The following SUGCT variants were observed in gnomAD, a reference collection of about 807,000 sequenced individuals.
SUGCT encodes the protein succinyl-CoA:glutarate CoA-transferase.
Under a neutral mutation model 55.0 loss-of-function variants are expected in SUGCT, and 41 were observed. The ratio of observed to expected loss-of-function variants is 0.74; its 90% confidence interval spans 0.58 to 0.97. SUGCT has a LOEUF of 0.97. Among genes scored for constraint, SUGCT ranks in the 50% least tolerant of loss-of-function variants. The pLI is 0.00. For missense variants in SUGCT, 568 were observed against 547.8 expected, an observed-to-expected ratio of 1.04 and a Z score of -0.37; for synonymous variants, 187 against 200.4, an observed-to-expected ratio of 0.93 and a Z score of 0.56.
chr7:40,298,601 A>G (rs1403573219), intron 8 of SUGCT, among the ~76,000 whole-genome samples: 1 of 152,188 alleles, frequency 6.6e-6, no homozygotes, highest in Non-Finnish European at 1.5e-5. Context: ...AACAGGATAC[A>G]CTGCAGTCAT....
At chr7:41,018,331 T>G in the SUGCT span, among the ~76,000 whole-genome samples, 1 of 152,260 alleles carries the variant, frequency 6.6e-6, no homozygotes, top group East Asian at 1.9e-4. Flanking sequence ...GAGATCATGG[T>G]GCCTCTCACT....
At chr7:40,170,038 T>G (rs1247851324) in intron 1 of SUGCT, among the ~76,000 whole-genome samples, 1 of 152,186 alleles carries the variant, frequency 6.6e-6, no homozygotes, top group Non-Finnish European at 1.5e-5. Context: ...ATTGAATAAT[T>G]TATAGGCTTC....
At chr7:40,352,276 T>C (rs1325684730) in intron 9 of SUGCT, among the ~76,000 whole-genome samples, 2 of 152,182 alleles carry the variant, frequency 1.3e-5, no homozygotes, top group African/African-American at 4.8e-5. Flanking sequence ...TCTATACAAT[T>C]TTTTTTAGTA....
chr7:40,170,487 T>C (rs1784619199), intron 1 of SUGCT, among the ~76,000 whole-genome samples: 1 of 152,190 alleles, frequency 6.6e-6, no homozygotes, highest in Non-Finnish European at 1.5e-5. Flanking sequence ...ATTTTTGCCT[T>C]AGGGGGAACA....
At chr7:40,967,354 G>A in the SUGCT span, 1 of 152,190 alleles carries the variant, frequency 6.6e-6, no homozygotes. Context: ...CTAAGTTCAT[G>A]TGTAAGTAAT....
intron 6 of SUGCT, among the ~76,000 whole-genome samples, chr7:40,221,058 T>C (rs2150825638): frequency 6.6e-6 from 1 of 152,284 alleles, no homozygotes; most frequent in Middle Eastern, 3.4e-3. Context: ...GTCATGCACT[T>C]AGCAAAAACA....
intron 12 of SUGCT, among the ~76,000 whole-genome samples, chr7:40,643,227 A>G (rs1453384169): frequency 1.3e-5 from 2 of 152,218 alleles, no homozygotes; most frequent in African/African-American, 4.8e-5. Flanking sequence ...TATTAATAAT[A>G]TAAGTCCCTT....
the SUGCT span, among the ~76,000 whole-genome samples, chr7:40,917,864 C>T: frequency 6.6e-6 from 1 of 152,122 alleles, no homozygotes; most frequent in East Asian, 1.9e-4. Context: ...GCTCTCATGA[C>T]CTCATCTAAT....
At chr7:40,160,237 C>CT (rs1463376650) in intron 1 of SUGCT, among the ~76,000 whole-genome samples, 4 of 151,296 alleles carry the variant, frequency 2.6e-5, no homozygotes, top group Non-Finnish European at 4.4e-5. Flanking sequence ...TAATTTTTTT[C>CT]TTTTTTTTTG....
rs370966013 is a variant in SUGCT, at chr7:40,503,871, G to A, written c.1089+7485G>A. ...TAAAAATACAAAGTTTAGTTACAGA[G>A]CAATATTAAGTTATTGCAATGAATA... On this transcript the variant is annotated intron_variant, in intron 12 of 13. Transcript: ENST00000335693. Among the ~76,000 whole-genome samples, 31 of 152,278 alleles carry A rather than the reference G, an allele frequency of 2.0e-4. 1 individual carries two copies. The South Asian group carries it at 5.4e-3, about 26-fold the overall frequency.
chr7:40,355,689 A>G (rs1302236083), intron 9 of SUGCT, among the ~76,000 whole-genome samples: 1 of 152,252 alleles, frequency 6.6e-6, no homozygotes, highest in African/African-American at 2.4e-5. Flanking sequence ...ACTAATGAGA[A>G]GAATGGAATT....
At chr7:40,291,991 A>G (rs1793811333) in intron 8 of SUGCT, among the ~76,000 whole-genome samples, 1 of 152,170 alleles carries the variant, frequency 6.6e-6, no homozygotes, top group African/African-American at 2.4e-5. Flanking sequence ...GTGATTTCAG[A>G]CTTCTGACCT....
intron 13 of SUGCT, among the ~76,000 whole-genome samples, chr7:40,790,508 GGA>G (rs1275268336): frequency 6.6e-6 from 1 of 152,134 alleles, no homozygotes; most frequent in Non-Finnish European, 1.5e-5. Context: ...ATGATACAGA[GGA>G]GAGATTTCTT....
chr7:40,470,099 G>A (rs1790326282), intron 11 of SUGCT, among the ~76,000 whole-genome samples: 1 of 152,004 alleles, frequency 6.6e-6, no homozygotes, highest in South Asian at 2.1e-4. Flanking sequence ...TTTGGGAGGG[G>A]GAAGGTACAG....
At chr7:40,716,008 C>A (rs995683817) in intron 12 of SUGCT, among the ~76,000 whole-genome samples, 1 of 152,206 alleles carries the variant, frequency 6.6e-6, no homozygotes, top group Admixed American at 6.5e-5. Context: ...TTTCCTATTT[C>A]TCTCCTGTCT....
the SUGCT span, among the ~76,000 whole-genome samples, chr7:41,000,916 C>G: frequency 0.029 from 4,412 of 152,106 alleles, 217 homozygotes; most frequent in African/African-American, 0.099. Context: ...ATTTGACCAA[C>G]TAGGTATATA....
chr7:41,030,274 A>G, the SUGCT span, among the ~76,000 whole-genome samples: 1 of 151,804 alleles, frequency 6.6e-6, no homozygotes, highest in African/African-American at 2.4e-5. Flanking sequence ...ATCTTCAGTG[A>G]TTCACCATCT....
At chr7:40,490,948 TGTC>T (rs1791645116) in intron 11 of SUGCT, among the ~76,000 whole-genome samples, 1 of 152,198 alleles carries the variant, frequency 6.6e-6, no homozygotes, top group South Asian at 2.1e-4. Flanking sequence ...AGTCTCAAAT[TGTC>T]GTCCTTCTCT....
intron 12 of SUGCT, among the ~76,000 whole-genome samples, chr7:40,663,736 C>T (rs1474698005): frequency 6.6e-6 from 1 of 152,140 alleles, no homozygotes; most frequent in Admixed American, 6.5e-5. Context: ...CAGTCCCATG[C>T]ACAGGAATTG....
Sources: allele counts gnomAD v4.1 joint callset (sites outside exome capture counted in the v4.1 genomes callset), GRCh38; gene constraint gnomAD v4.1.1; transcripts MANE v1.5; gene names NCBI Gene and HGNC (gene_info 2026-07-23, HGNC 2026-07-21).